Variants in DCLRE1C observed in about 807,000 individuals in gnomAD.
DCLRE1C encodes the protein protein artemis.
Under a neutral mutation model 61.4 loss-of-function variants are expected in DCLRE1C, and 47 were observed. The observed-to-expected ratio is 0.77, with a 90% CI of 0.61 to 0.98. The LOEUF (loss-of-function observed/expected upper bound fraction) is 0.98. DCLRE1C is among the 50% of genes least tolerant of loss of function. The probability of loss-of-function intolerance (pLI) is 0.00; values close to 1 mark genes in which losing one functional copy is unlikely to be tolerated. For synonymous variants in DCLRE1C, 337 were observed against 287.6 expected, an observed-to-expected ratio of 1.17 and a Z score of -1.74; for missense variants, 858 against 816.0, an observed-to-expected ratio of 1.05 and a Z score of -0.63.
chr10:14,944,225 C>T (rs1361565316), intron 3 of DCLRE1C, among the ~76,000 whole-genome samples: 1 of 152,198 alleles, frequency 6.6e-6, no homozygotes, highest in African/African-American at 2.4e-5. Flanking sequence ...AATTCCAACA[C>T]TTTGGGAGTG....
rs540361061 is a variant in DCLRE1C at position 14,924,933 on chromosome 10, C to T, written c.973-1864G>A. Among the ~76,000 whole-genome samples the T allele has an allele frequency of 4.6e-5, 7 of 151,756 alleles. No individual in the cohort carries two copies. The South Asian group carries it at 1.2e-3, about 27-fold the overall frequency. On this transcript the variant is annotated intron_variant, in intron 11 of 13. Transcript: ENST00000378278. Reference sequence around the variant, plus strand: ...AATGAGAACACAAAGACTTTTATGCCCTTCTGCAAATGGACAGACTAGAAC... The same window carrying T: ...AATGAGAACACAAAGACTTTTATGCTCTTCTGCAAATGGACAGACTAGAAC...
At chr10:14,923,771 C>G (rs11817879) in intron 11 of DCLRE1C, 2,875 of 152,698 alleles carry the variant, frequency 0.019, 102 homozygotes, top group African/African-American at 0.065. Flanking sequence ...ACCATGCATT[C>G]GTCACTGATT....
rs775633789 is a variant in DCLRE1C, at chr10:14,909,146, T to G, written c.1341A>C (p.Thr447=). 4.3e-6 allele frequency: 7 copies of G among 1,614,244 alleles called. No homozygotes were observed. Among genetic ancestry groups the G allele is most frequent in the Middle Eastern group, 1.7e-4 (1 of 6,060 alleles). The change falls in exon 14 of 14, where the codon ACA becomes ACC. Residue 447 remains threonine (T), a synonymous_variant. Transcript: ENST00000378278. ...TGGATTCTTCACAATCTACAAAGTT[T>G]GTGAAACGAGAGCTCTGCATACACT... The part of the protein sequence containing the change: ...RAECMQSSRF[T]NFVDCEESNS...
intron 13 of DCLRE1C, among the ~76,000 whole-genome samples, chr10:14,915,056 A>G (rs1323717870): frequency 6.6e-6 from 1 of 152,214 alleles, no homozygotes; most frequent in Non-Finnish European, 1.5e-5. Context: ...AAATTTCTAA[A>G]TAACCCATGT....
chr10:14,939,653 A>G (rs1840549401), intron 4 of DCLRE1C, among the ~76,000 whole-genome samples, 157 bp downstream of exon 4: 1 of 152,192 alleles, frequency 6.6e-6, no homozygotes, highest in Non-Finnish European at 1.5e-5. Context: ...CAATGACTAG[A>G]TTTTTATTTA....
At chr10:14,918,128 T>C (rs1836508788) in intron 13 of DCLRE1C, among the ~76,000 whole-genome samples, 1 of 152,216 alleles carries the variant, frequency 6.6e-6, no homozygotes, top group African/African-American at 2.4e-5. Context: ...ACAGCTACCA[T>C]ATGACCCATT....
chr10:14,920,370 G>T, intron 12 of DCLRE1C: 1 of 1,041,030 alleles, frequency 9.6e-7, no homozygotes, highest in Non-Finnish European at 1.2e-6. Context: ...AAGATTTGAA[G>T]ACGTCCTACC....
In DCLRE1C at chr10:14,953,859, C is replaced by A. The variant is rs752214425; in HGVS notation, c.109+43G>T. On this transcript the variant is annotated intron_variant, in intron 1 of 13. Transcript: ENST00000378278. ...CGGCCCCCTCCTGTCCTCTCTCCAG[C>A]CCCCAGCGCCCCGGGAGCGGGCGAC... is the stretch of plus-strand genomic sequence containing the variant. 2.7e-5 allele frequency: 44 copies of A among 1,611,032 alleles called. No individual in the cohort carries two copies. The South Asian group carries it at 4.7e-4, about 17-fold the overall frequency.
At chr10:14,945,077 AT>A in intron 3 of DCLRE1C, 27 bp downstream of exon 3, 1 of 1,560,174 alleles carries the variant, frequency 6.4e-7, no homozygotes, top group Non-Finnish European at 8.7e-7. Context: ...CTTAAAAAAA[AT>A]TAAGTTATTA....
chr10:14,914,658 T>C (rs1380063742), intron 13 of DCLRE1C, among the ~76,000 whole-genome samples: 1 of 152,208 alleles, frequency 6.6e-6, no homozygotes, highest in African/African-American at 2.4e-5. Flanking sequence ...ATTTCAAAAG[T>C]ACCAGGCCAG....
At chr10:14,912,434 C>G (rs949596461) in intron 13 of DCLRE1C, among the ~76,000 whole-genome samples, 1 of 152,114 alleles carries the variant, frequency 6.6e-6, no homozygotes, top group Non-Finnish European at 1.5e-5. Context: ...TTCTACCCCC[C>G]ACAAGAAATA....
chr10:14,919,888 ACAT>A, intron 12 of DCLRE1C, 56 bp from the exon 13 acceptor site: 1 of 1,377,926 alleles, frequency 7.3e-7, no homozygotes, highest in Admixed American at 1.7e-5. Flanking sequence ...TAGAAGGTAG[ACAT>A]CATTGATAGT....
chr10:14,925,225 T>TAAA (rs67477083), intron 11 of DCLRE1C, among the ~76,000 whole-genome samples: 48 of 109,298 alleles, frequency 4.4e-4, no homozygotes, highest in East Asian at 2.4e-3. Flanking sequence ...ATAAAGGATT[T>TAAA]AAAAAAAAAA....
intron 7 of DCLRE1C, 36 bp downstream of exon 7, chr10:14,934,667 C>T: frequency 6.2e-7 from 1 of 1,611,662 alleles, no homozygotes; most frequent in Non-Finnish European, 8.5e-7. Context: ...CACGGGCACA[C>T]CCAGATGATA....
chr10:14,941,331 C>T (rs1311405304), intron 3 of DCLRE1C, among the ~76,000 whole-genome samples: 1 of 152,178 alleles, frequency 6.6e-6, no homozygotes, highest in Admixed American at 6.5e-5. Context: ...GTTAGCCAGC[C>T]TGGAGTGCAG....
At chr10:14,899,227 G>A (rs2131712457) in exon 14 of DCLRE1C, 1 of 702,128 alleles carries the variant, frequency 1.4e-6, no homozygotes, top group East Asian at 2.7e-5. Context: ...GGCTGAGGCA[G>A]GAAGATCGCT....
chr10:14,940,211 G>C (rs1199762769), intron 3 of DCLRE1C, among the ~76,000 whole-genome samples: 2 of 151,586 alleles, frequency 1.3e-5, no homozygotes, highest in Non-Finnish European at 2.9e-5. Context: ...TAAAAACGTG[G>C]TCCTGTGTCC....
intron 3 of DCLRE1C, 102 bp downstream of exon 3, chr10:14,945,003 T>C (rs1213230977): frequency 1.2e-6 from 1 of 811,350 alleles, no homozygotes; most frequent in Non-Finnish European, 2.0e-6. Flanking sequence ...TTAATGTGGA[T>C]AACTGAAGTA....
In DCLRE1C at chr10:14,907,179, TATTCTA is replaced by T. The variant is rs746624702; in HGVS notation, c.*1223_*1228del. Among the ~76,000 whole-genome samples, 5 of 151,922 alleles carry T rather than the reference TATTCTA, an allele frequency of 3.3e-5. No individual in the cohort carries two copies. Among genetic ancestry groups the T allele is most frequent in the Non-Finnish European group, 4.4e-5 (3 of 68,002 alleles). On this transcript the variant is annotated 3_prime_UTR_variant, in exon 14 of 14. Coordinates refer to ENST00000378278, the MANE Select transcript of DCLRE1C (RefSeq NM_001033855.3). ...TTTAATTCTTGAGCATTTTCTTTTA[TATTCTA>T]ATTGTCCGCTTCTAATTTGGCCACC...
Sources: allele counts gnomAD v4.1 joint callset (sites outside exome capture counted in the v4.1 genomes callset), GRCh38; gene constraint gnomAD v4.1.1; transcripts MANE v1.5; gene names NCBI Gene and HGNC (gene_info 2026-07-23, HGNC 2026-07-21).